The following CFAP74 variants were observed in gnomAD, a reference collection of about 807,000 sequenced individuals.
CFAP74 encodes the protein cilia and flagella associated protein 74.
CFAP74 carries 124 observed loss-of-function variants against 188.9 expected under a neutral mutation model. That is an observed-to-expected ratio of 0.66 (90% CI 0.57 to 0.76). CFAP74 has a LOEUF of 0.76. Ranked by LOEUF, CFAP74 falls within the 30% of genes least tolerant of loss-of-function variation. CFAP74 has a pLI of 0.00. For missense variants in CFAP74, 2,198 were observed against 2,165.2 expected (o/e 1.02, Z -0.30); for synonymous variants, 956 against 916.7 (o/e 1.04, Z -0.77).
chr1:1,968,520 C>T lies in CFAP74; in HGVS notation c.1245+115G>A, dbSNP rs13303292. 0.058 allele frequency: 49,320 copies of T among 851,470 alleles called. 2,337 individuals are homozygous for T. The highest frequency in any genetic ancestry group is 0.17 in the South Asian group (10,737 of 62,032). The allele number at this position is 851,470 out of a possible 1,614,324, so 52.7% of individuals were successfully genotyped here. A position where few individuals can be genotyped will look rare whatever the true frequency, so the allele number is the denominator to read the frequency against. ...ACTCAGCGGGCTCAGCAACCCCCTGCAGGTGGCCATGGTGCTGAGGTCCTC... is the reference window on the plus strand; with the variant it reads ...ACTCAGCGGGCTCAGCAACCCCCTGTAGGTGGCCATGGTGCTGAGGTCCTC... On this transcript the variant is annotated intron_variant, in intron 11 of 38. Transcript: ENST00000682832. The surrounding 1 kb of genome is among the most constrained non-coding windows in gnomAD (Gnocchi z 4.3).
intron 2 of CFAP74, 21 bp from the exon 3 acceptor site, chr1:1,988,994 T>TAA: frequency 8.2e-7 from 1 of 1,213,482 alleles, no homozygotes; most frequent in Non-Finnish European, 1.2e-6. Context: ...AGGCAAGAGT[T>TAA]TAAAAAAAAA....
chr1:1,946,021 CGT>C (rs1472898417), intron 20 of CFAP74, among the ~76,000 whole-genome samples: 1 of 135,352 alleles, frequency 7.4e-6, no homozygotes, highest in South Asian at 2.5e-4. Context: ...TGCGTGTGTG[CGT>C]GTGTACGTGT....
chr1:2,001,422 T>C (rs957413689), intron 1 of CFAP74, among the ~76,000 whole-genome samples: 8 of 151,736 alleles, frequency 5.3e-5, no homozygotes, highest in Non-Finnish European at 1.2e-4. Context: ...CTCCGCCTCC[T>C]GGGTTCACGC....
intron 25 of CFAP74, 128 bp from the exon 26 acceptor site, chr1:1,930,464 GC>G: frequency 1.1e-6 from 1 of 877,324 alleles, no homozygotes; most frequent in Non-Finnish European, 1.7e-6. Context: ...CGTTCCTGCT[GC>G]CCAGGGGGTC....
intron 1 of CFAP74, among the ~76,000 whole-genome samples, chr1:1,993,899 G>C (rs112343488): frequency 0.051 from 7,693 of 150,686 alleles, 674 homozygotes; most frequent in African/African-American, 0.18. Flanking sequence ...GGAGAATGGC[G>C]TGAACCCGGG....
intron 25 of CFAP74, among the ~76,000 whole-genome samples, chr1:1,938,077 A>G (rs1262188331): frequency 6.9e-6 from 1 of 145,256 alleles, no homozygotes; most frequent in Non-Finnish European, 1.5e-5. Flanking sequence ...CACCCAACAC[A>G]CACGCACTCA....
chr1:1,937,297 G>A (rs1652968191), intron 25 of CFAP74, among the ~76,000 whole-genome samples: 1 of 152,258 alleles, frequency 6.6e-6, no homozygotes, highest in Non-Finnish European at 1.5e-5. Flanking sequence ...AGGTGCTGCT[G>A]CCCATGAACC....
chr1:1,941,401 C>T (rs1653365803), intron 22 of CFAP74, among the ~76,000 whole-genome samples: 1 of 152,202 alleles, frequency 6.6e-6, no homozygotes, highest in South Asian at 2.1e-4. Context: ...CTCCAAAGCA[C>T]AACAAATGTT....
rs867646107 is a variant in CFAP74, at chr1:1,992,024, A to T, written c.-19-1049T>A. Reference sequence around the variant, plus strand: ...CACTGCACTCCAGCCTGGGTGACAGAGCGAGACTCCGTCTCAAAAAAAAAA... The same window carrying T: ...CACTGCACTCCAGCCTGGGTGACAGTGCGAGACTCCGTCTCAAAAAAAAAA... On this transcript the variant is annotated intron_variant, in intron 1 of 38. Transcript: ENST00000682832. Among the ~76,000 whole-genome samples, 11 of 149,884 alleles carry T rather than the reference A, an allele frequency of 7.3e-5. No individual in the cohort carries two copies. The South Asian group carries it at 8.4e-4, about 11-fold the overall frequency.
In CFAP74 at chr1:1,968,576, G is replaced by A. The variant is rs1392102504; in HGVS notation, c.1245+59C>T. 6.9e-7 allele frequency: 1 copy of A among 1,449,354 alleles called. No individual in the cohort carries two copies. The highest frequency in any genetic ancestry group is 9.6e-7 in the Non-Finnish European group (1 of 1,045,616). The allele number at this position is 1,449,354 out of a possible 1,614,324, so 89.8% of individuals were successfully genotyped here. ...ATGTCTCACCACACCTGAGCCCTGAGGCCCCACCTGCCCTCCACAGGTGTG... is the reference window on the plus strand; with the variant it reads ...ATGTCTCACCACACCTGAGCCCTGAAGCCCCACCTGCCCTCCACAGGTGTG... On this transcript the variant is annotated intron_variant, in intron 11 of 38. Transcript: ENST00000682832. The surrounding 1 kb of genome is among the most constrained non-coding windows in gnomAD (Gnocchi z 4.3).
At chr1:1,931,748 A>C (rs955975173) in intron 25 of CFAP74, among the ~76,000 whole-genome samples, 4 of 149,762 alleles carry the variant, frequency 2.7e-5, no homozygotes, top group Non-Finnish European at 5.9e-5. Context: ...TGTCTCAAAA[A>C]AAAAAAAAAA....
chr1:1,957,856 G>A (rs1406454018), intron 16 of CFAP74, among the ~76,000 whole-genome samples: 1 of 152,192 alleles, frequency 6.6e-6, no homozygotes, highest in Non-Finnish European at 1.5e-5. Context: ...GCACAGCCGA[G>A]TGCCGGCCCA....
At chr1:1,986,351 C>A (rs1445946942) in intron 5 of CFAP74, among the ~76,000 whole-genome samples, 1 of 152,242 alleles carries the variant, frequency 6.6e-6, no homozygotes, top group Non-Finnish European at 1.5e-5. Flanking sequence ...CCCTCACCCC[C>A]CAGGGCCGGG....
intron 1 of CFAP74, among the ~76,000 whole-genome samples, chr1:1,999,174 G>A (rs1407226602): frequency 6.6e-6 from 1 of 152,218 alleles, no homozygotes; most frequent in Admixed American, 6.5e-5. Context: ...TGATTCTAAA[G>A]CTGTAAAACT....
At chr1:1,982,899 T>C (rs935626075) in intron 6 of CFAP74, among the ~76,000 whole-genome samples, 1 of 152,200 alleles carries the variant, frequency 6.6e-6, no homozygotes, top group Non-Finnish European at 1.5e-5. Flanking sequence ...CTGCGTGCGT[T>C]TCCCACCTCT....
Position 1,966,437 on chromosome 1 carries a change from T to G in CFAP74, c.1335A>C (p.Ser445=). ...CGGGCTCAGCTAACGTTTCCTCCTC[T>G]GAGCTGGCCCCGGGGTCCCCCTGGA... The part of the protein sequence containing the change: ...ELIQGDPGAS[S]EEETLAEPEI... The change falls in exon 12 of 39, where the codon TCA becomes TCC. Residue 445 remains serine, a synonymous_variant. Coordinates refer to ENST00000682832, the MANE Select transcript of CFAP74 (RefSeq NM_001304360.2). 6.2e-7 allele frequency: 1 copy of G among 1,606,682 alleles called. No homozygotes were observed. The highest frequency in any genetic ancestry group is 8.5e-7 in the Non-Finnish European group (1 of 1,175,972).
chr1:1,946,005 C>T (rs577879732), intron 20 of CFAP74, among the ~76,000 whole-genome samples: 7 of 142,698 alleles, frequency 4.9e-5, no homozygotes, highest in East Asian at 2.1e-4. Flanking sequence ...TGCATGTGTG[C>T]GGGACTGCGT....
rs768826653 is a variant in CFAP74, at chr1:1,990,912, G to A, written c.45C>T (p.Ala15=). The change falls in exon 2 of 39, where the codon GCC becomes GCT. Residue 15 remains alanine (A), a synonymous_variant. Transcript: ENST00000682832. ...TACCATCTTCCAAAAGAAGGGCATC[G>A]GCCAAAAGCTCGTCCTCAGGGAGCA... ...GSLLPEDELL[A]DALLLEDERD... The A allele has an allele frequency of 6.4e-5, 103 of 1,612,684 alleles. No homozygotes were observed. The highest frequency in any genetic ancestry group is 3.8e-4 in the South Asian group (34 of 90,510).
In CFAP74 at chr1:1,926,667, C is replaced by G; in HGVS notation, c.3757G>C (p.Gly1253Arg). 6.5e-7 allele frequency: 1 copy of G among 1,550,052 alleles called. No individual in the cohort carries two copies. Among genetic ancestry groups the G allele is most frequent in the Non-Finnish European group, 8.7e-7 (1 of 1,146,776 alleles). ...AGCGTCTCACCCACAGCGACGTCGC[C>G]GAAGTTAAAGATGGTCTTGCCTTTA... Reference protein sequence around the residue: ...SHKGKTIFNFGDVAVGHRSIK... With the variant: ...SHKGKTIFNFRDVAVGHRSIK... Residue 1253 changes from glycine (G) to arginine (R), a missense_variant, in exon 30 of 39, where the codon GGC (glycine) becomes CGC (arginine). Gly to Arg is a moderately radical substitution (Grantham distance 125). Coordinates refer to ENST00000682832, the MANE Select transcript of CFAP74 (RefSeq NM_001304360.2).
Sources: allele counts gnomAD v4.1 joint callset (sites outside exome capture counted in the v4.1 genomes callset), GRCh38; gene constraint gnomAD v4.1.1; non-coding constraint Gnocchi (gnomAD v3.1); transcripts MANE v1.5; gene names NCBI Gene and HGNC (gene_info 2026-07-23, HGNC 2026-07-21).